OGA: variants seen among roughly 807,000 people sequenced by gnomAD.
The protein encoded by OGA is O-GlcNAcase.
Under a neutral mutation model 102.0 loss-of-function variants are expected in OGA, and 21 were observed. The ratio of observed to expected loss-of-function variants is 0.21; its 90% CI spans 0.15 to 0.30. The LOEUF is 0.30. Ranked by LOEUF, OGA falls within the 10% of genes least tolerant of loss-of-function variation. OGA has a pLI of 1.00. For missense variants in OGA, 765 were observed against 1,107.8 expected (o/e 0.69, Z 4.39); for synonymous variants, 408 against 378.2 (o/e 1.08, Z -0.91).
rs752176800 is a variant in OGA at position 101,800,406 on chromosome 10, AAAAAT to A, written c.1037-11_1037-7del. On this transcript the variant is annotated splice_polypyrimidine_tract_variant and splice_region_variant and intron_variant, in intron 7 of 15. Coordinates refer to ENST00000361464, the MANE Select transcript of OGA (RefSeq NM_012215.5). ...AGTACTATCTTCACTGTCAGCTGCA[AAAAAT>A]AAAATAAAAAAGCACAAAAATAGTT... 24 of 1,599,982 alleles carry A rather than the reference AAAAAT, an allele frequency of 1.5e-5. No individual in the cohort carries two copies. Among genetic ancestry groups the A allele is most frequent in the East Asian group, 2.2e-5 (1 of 44,786 alleles).
In OGA at chr10:101,818,362, T is replaced by C. The variant is rs961640408; in HGVS notation, c.-340A>G. ...TCTGCCTCTGCTGCCCTCCCGATAA[T>C]CTTAGGTCTTCCGCTGTTTCCCCTC... On this transcript the variant is annotated 5_prime_UTR_variant, in exon 1 of 16. Coordinates refer to ENST00000361464, the MANE Select transcript of OGA (RefSeq NM_012215.5). 9.3e-7 allele frequency: 1 copy of C among 1,073,766 alleles called. No individual in the cohort carries two copies. Among genetic ancestry groups the C allele is most frequent in the South Asian group, 3.7e-5 (1 of 27,134 alleles). 66.5% of individuals were successfully genotyped at this position (1,073,766 alleles called of 1,614,324 possible). A position where few individuals can be genotyped will look rare whatever the true frequency, so the allele number is the denominator to read the frequency against.
Position 101,817,952 on chromosome 10 carries a change from G to A in OGA, c.71C>T (p.Ser24Phe), listed in dbSNP as rs563787054. 12 of 1,600,570 alleles carry A rather than the reference G, an allele frequency of 7.5e-6. No individual in the cohort carries two copies. In the East Asian group the frequency reaches 1.8e-4, roughly 24 times the overall value. The change falls in exon 1 of 16, where the codon TCT becomes TTT. Residue 24 changes from serine (S) to phenylalanine (F), a missense_variant. Physicochemically the swap from Ser to Phe is radical, Grantham distance 155. This residue lies in a region of OGA where 117 missense variants were observed against 85.7 expected (regional missense o/e 1.36). Transcript: ENST00000361464. Reference sequence around the variant, plus strand: ...CGGCGGCTCCAGCGATGCCCCCGCAGAGGCGGCAGGGTTGGAGCTGAGCTC... The same window carrying A: ...CGGCGGCTCCAGCGATGCCCCCGCAAAGGCGGCAGGGTTGGAGCTGAGCTC... ...ESELSSNPAASAGASLEPPAA... is the reference protein window; with the variant it reads ...ESELSSNPAAFAGASLEPPAA...
chr10:101,797,761 G>A (rs2065334264), intron 10 of OGA: 1 of 600,136 alleles, frequency 1.7e-6, no homozygotes, highest in Non-Finnish European at 2.9e-6. Flanking sequence ...AGATACTTAT[G>A]CTGAATTAGC....
At chr10:101,790,557 A>G (rs1428299926) in intron 14 of OGA, among the ~76,000 whole-genome samples, 3 of 152,120 alleles carry the variant, frequency 2.0e-5, no homozygotes, top group Non-Finnish European at 2.9e-5. Flanking sequence ...GATTACAGGC[A>G]CGAGCCACTG....
At chr10:101,812,916 G>C (rs1564651016) in intron 3 of OGA, 114 bp downstream of exon 3, 1 of 878,718 alleles carries the variant, frequency 1.1e-6, no homozygotes, top group South Asian at 1.4e-5. Flanking sequence ...AGAAGAAAAG[G>C]AAACTACCTA....
At chr10:101,812,861 CGCAGA>C (rs1564650985) in intron 3 of OGA, 164 bp downstream of exon 3, 2 of 688,048 alleles carry the variant, frequency 2.9e-6, no homozygotes, top group South Asian at 3.0e-5. Flanking sequence ...ACCTTGCTAG[CGCAGA>C]GCACTCTTTC....
chr10:101,804,115 T>G (rs2065434804), intron 6 of OGA, 96 bp from the exon 7 acceptor site: 7 of 1,150,832 alleles, frequency 6.1e-6, no homozygotes, highest in East Asian at 2.4e-5. Context: ...GAGGCAGAGG[T>G]GGGCAGATCA....
chr10:101,802,160 T>A (rs1345871461), intron 7 of OGA, among the ~76,000 whole-genome samples: 4 of 149,990 alleles, frequency 2.7e-5, no homozygotes, highest in Admixed American at 6.6e-5. Flanking sequence ...AAAAAAAAAA[T>A]TTTCAGTGTT....
chr10:101,800,784 T>C (rs985497413), intron 7 of OGA, among the ~76,000 whole-genome samples: 3 of 148,552 alleles, frequency 2.0e-5, no homozygotes, highest in African/African-American at 7.4e-5. Context: ...TTTTTTTTTT[T>C]TTTTTTTTGA....
intron 10 of OGA, among the ~76,000 whole-genome samples, chr10:101,794,963 C>T (rs1198057615): frequency 6.6e-6 from 1 of 152,152 alleles, no homozygotes; most frequent in Non-Finnish European, 1.5e-5. Flanking sequence ...GTGTGCTAGT[C>T]AGACAGTCCC....
intron 10 of OGA, among the ~76,000 whole-genome samples, chr10:101,796,715 C>G (rs1196924430): frequency 6.6e-6 from 1 of 152,112 alleles, no homozygotes; most frequent in Non-Finnish European, 1.5e-5. Flanking sequence ...GGATTACAGG[C>G]ATGCGCCACC....
chr10:101,791,113 G>A (rs950002113), intron 13 of OGA, 25 bp from the exon 14 acceptor site: 6 of 1,573,306 alleles, frequency 3.8e-6, no homozygotes, highest in Non-Finnish European at 5.2e-6. Context: ...AGAGGCCACA[G>A]TAAACTTTTC....
intron 10 of OGA, among the ~76,000 whole-genome samples, chr10:101,795,234 CA>C (rs2065301199): frequency 6.6e-6 from 1 of 152,194 alleles, no homozygotes; most frequent in Admixed American, 6.5e-5. Flanking sequence ...GAGACTACAA[CA>C]TAACTAGCAC....
chr10:101,794,276 T>TA (rs1245572539), intron 10 of OGA, among the ~76,000 whole-genome samples: 1 of 152,242 alleles, frequency 6.6e-6, no homozygotes, highest in African/African-American at 2.4e-5. Flanking sequence ...GTCAACTTTA[T>TA]ATATTCCCTA....
At chr10:101,791,191 C>A in intron 13 of OGA, 103 bp from the exon 14 acceptor site, 1 of 1,315,504 alleles carries the variant, frequency 7.6e-7, no homozygotes, top group Non-Finnish European at 1.0e-6. Context: ...CTTACGGAAC[C>A]TACATTTGGT....
At position 101,810,065 on chromosome 10, in the gene OGA, CA is replaced by C. The variant is rs1221371374; in HGVS notation, c.480+118del. 6.4e-6 allele frequency: 7 copies of C among 1,100,364 alleles called. No homozygotes were observed. The African/African-American group carries it at 6.5e-5, about 10-fold the overall frequency. 68.2% of individuals were successfully genotyped at this position (1,100,364 alleles called of 1,614,324 possible). On this transcript the variant is annotated intron_variant, in intron 4 of 15. Transcript: ENST00000361464. ...TGTCTCAAAAAACAAAACAAACAAA[CA>C]AAAAAAGAAAACAAAGAAATAGGAA...
chr10:101,789,399 G>A (rs2065230409), intron 14 of OGA, among the ~76,000 whole-genome samples: 2 of 152,186 alleles, frequency 1.3e-5, no homozygotes, highest in African/African-American at 2.4e-5. Context: ...TCGAGAGGCT[G>A]AAGCAGGAGA....
chr10:101,815,963 G>A (rs4332454), intron 1 of OGA, among the ~76,000 whole-genome samples: 38,399 of 44,894 alleles, frequency 0.86, 16,562 homozygotes, highest in East Asian at 0.93. Flanking sequence ...CAAAAAGAGA[G>A]AAAAAAAAAA....
chr10:101,789,341 A>G (rs1468273327), intron 14 of OGA, among the ~76,000 whole-genome samples: 1 of 152,170 alleles, frequency 6.6e-6, no homozygotes, highest in East Asian at 1.9e-4. Context: ...TCTATTAAAA[A>G]TATAAAATTA....
Sources: gnomAD v4.1 joint callset for allele counts (sites outside exome capture counted in the v4.1 genomes callset) on GRCh38, gnomAD v4.1.1 for gene constraint, gnomAD v4.1.1 regional missense constraint, MANE v1.5 for transcripts, NCBI Gene and HGNC (gene_info 2026-07-23, HGNC 2026-07-21) for gene names.